KCNMA1: variants seen among roughly 807,000 people sequenced by gnomAD.
KCNMA1 encodes potassium calcium-activated channel subfamily M alpha 1, also known as Calcium-activated potassium channel subunit alpha-1.
KCNMA1 carries 29 observed loss-of-function variants against 140.0 expected under a neutral mutation model. The observed-to-expected ratio is 0.21, with a 90% CI of 0.15 to 0.28. The LOEUF (loss-of-function observed/expected upper bound fraction) is 0.28, where lower values mean the gene tolerates loss of function less well. KCNMA1 is among the 10% of genes least tolerant of loss of function. KCNMA1 has a pLI of 1.00. For missense variants in KCNMA1, 880 were observed against 1,602.2 expected, an observed-to-expected ratio of 0.55 and a Z score of 7.70; for synonymous variants, 612 against 611.9, an observed-to-expected ratio of 1.00 and a Z score of 0.00.
intron 1 of KCNMA1, among the ~76,000 whole-genome samples, chr10:77,576,294 G>C (rs2619608): frequency 0.39 from 59,258 of 151,996 alleles, 12,517 homozygotes; most frequent in Non-Finnish European, 0.48. Flanking sequence ...CCTCCACTCT[G>C]AGAGACTTGC....
intron 2 of KCNMA1, among the ~76,000 whole-genome samples, chr10:77,392,654 T>C (rs1217756736): frequency 6.6e-6 from 1 of 152,208 alleles, no homozygotes; most frequent in Non-Finnish European, 1.5e-5. Context: ...TTTGAAGGAA[T>C]GGATGAAGGG....
chr10:76,970,371 C>CA (rs796906638), intron 19 of KCNMA1: 16 of 325,320 alleles, frequency 4.9e-5, no homozygotes, highest in African/African-American at 1.7e-4. Flanking sequence ...ATCTGTATAC[C>CA]AAAAAAAATA....
chr10:77,050,705 G>C (rs752212952), intron 14 of KCNMA1, among the ~76,000 whole-genome samples: 1 of 152,186 alleles, frequency 6.6e-6, no homozygotes, highest in Non-Finnish European at 1.5e-5. Context: ...CCCACATTTT[G>C]AGTAGCAAGG....
At chr10:77,630,433 T>C (rs2093045620) in intron 1 of KCNMA1, among the ~76,000 whole-genome samples, 1 of 152,038 alleles carries the variant, frequency 6.6e-6, no homozygotes, top group Non-Finnish European at 1.5e-5. Flanking sequence ...AACCCAACCC[T>C]AAATCCACAA....
At chr10:77,103,688 G>A (rs944400046) in intron 9 of KCNMA1, among the ~76,000 whole-genome samples, 2 of 152,218 alleles carry the variant, frequency 1.3e-5, no homozygotes, top group African/African-American at 4.8e-5. Context: ...GTCCTTGAGA[G>A]CCTTTCATTG....
At chr10:76,871,836 G>A (rs945520496) in exon 28 of KCNMA1, 7 of 152,158 alleles carry the variant, frequency 4.6e-5, no homozygotes, top group African/African-American at 1.7e-4. Flanking sequence ...TATTGAATGT[G>A]AAACTATGTC....
chr10:77,180,665 A>T (rs570744607), intron 5 of KCNMA1, among the ~76,000 whole-genome samples: 1 of 152,296 alleles, frequency 6.6e-6, no homozygotes, highest in South Asian at 2.1e-4. Context: ...GTAGGGGGAT[A>T]GGACTCTATT....
chr10:76,972,977 T>C (rs886773140), intron 19 of KCNMA1: 1 of 152,242 alleles, frequency 6.6e-6, no homozygotes, highest in African/African-American at 2.4e-5. Context: ...ATAATTTTCA[T>C]TTCATGGCTT....
intron 17 of KCNMA1, among the ~76,000 whole-genome samples, chr10:77,016,048 A>G (rs2091965988): frequency 6.6e-6 from 1 of 152,062 alleles, no homozygotes; most frequent in Admixed American, 6.6e-5. Flanking sequence ...CCTTTCTATA[A>G]AGTGCTTTAG....
chr10:77,570,606 A>G (rs2070764138), intron 1 of KCNMA1, among the ~76,000 whole-genome samples: 4 of 80,168 alleles, frequency 5.0e-5, no homozygotes, highest in East Asian at 4.4e-4. Flanking sequence ...GGGAGGGGGG[A>G]GGGATAGCAT....
chr10:77,568,769 C>A (rs1265274995), intron 1 of KCNMA1, among the ~76,000 whole-genome samples: 6 of 151,022 alleles, frequency 4.0e-5, no homozygotes, highest in South Asian at 2.1e-4. Context: ...AAAGGGTATT[C>A]AATTAGAAAA....
chr10:77,587,669 T>C, intron 1 of KCNMA1: 1 of 984,122 alleles, frequency 1.0e-6, no homozygotes, highest in Non-Finnish European at 1.2e-6. Flanking sequence ...TTCAGTGGAA[T>C]CTGTGGAAGG....
At chr10:76,995,108 G>T (rs534256238) in intron 19 of KCNMA1, among the ~76,000 whole-genome samples, 1 of 152,230 alleles carries the variant, frequency 6.6e-6, no homozygotes, top group Admixed American at 6.5e-5. Flanking sequence ...CAACTCAGGG[G>T]GCGATCCTGA....
At chr10:77,532,440 A>G (rs920675282) in intron 1 of KCNMA1, among the ~76,000 whole-genome samples, 1 of 152,246 alleles carries the variant, frequency 6.6e-6, no homozygotes, top group African/African-American at 2.4e-5. Context: ...ATGAAAACAC[A>G]GCGATGCCAG....
intron 5 of KCNMA1, among the ~76,000 whole-genome samples, chr10:77,128,639 C>G (rs2097791321): frequency 6.6e-6 from 1 of 152,076 alleles, no homozygotes; most frequent in Non-Finnish European, 1.5e-5. Context: ...CAAACTTTTT[C>G]TATAAATGAA....
Position 77,337,691 on chromosome 10 carries a change from C to T in KCNMA1, c.540+66171G>A, listed in dbSNP as rs567949648. On this transcript the variant is annotated intron_variant, in intron 2 of 27. Coordinates refer to ENST00000286628, the MANE Select transcript of KCNMA1 (RefSeq NM_001161352.2). ...AATCATTTATTATAATCACTGTGGT[C>T]ATGTTTAATGCTGTTGACAAATATT... Among the ~76,000 whole-genome samples, 54 of 152,300 alleles carry T rather than the reference C, an allele frequency of 3.5e-4. 1 individual carries two copies. In the South Asian group the frequency reaches 0.01, roughly 29 times the overall value.
intron 2 of KCNMA1, among the ~76,000 whole-genome samples, chr10:77,258,118 T>A (rs1307301331): frequency 6.6e-6 from 1 of 152,148 alleles, no homozygotes; most frequent in Non-Finnish European, 1.5e-5. Context: ...TGTGAAATAA[T>A]GAGATTGAAA....
chr10:77,434,037 A>C (rs2154497922), intron 1 of KCNMA1, among the ~76,000 whole-genome samples: 1 of 152,302 alleles, frequency 6.6e-6, no homozygotes, highest in South Asian at 2.1e-4. Context: ...AACACGCCCC[A>C]ACCTCAGAGT....
chr10:76,940,936 G>T (rs2061770997), intron 23 of KCNMA1, among the ~76,000 whole-genome samples: 1 of 147,580 alleles, frequency 6.8e-6, no homozygotes, highest in Admixed American at 7.0e-5. Flanking sequence ...ATTCCAGCCT[G>T]GGCAACAGAG....
Sources: allele counts gnomAD v4.1 joint callset (sites outside exome capture counted in the v4.1 genomes callset), GRCh38; gene constraint gnomAD v4.1.1; transcripts MANE v1.5; gene names NCBI Gene and HGNC (gene_info 2026-07-23, HGNC 2026-07-21).